ERBB4: variants seen among roughly 807,000 people sequenced by gnomAD.
The protein encoded by ERBB4 is erb-b2 receptor tyrosine kinase 4.
ERBB4 carries 42 observed loss-of-function variants against 158.0 expected under a neutral mutation model. The ratio of observed to expected loss-of-function variants is 0.27; its 90% CI spans 0.21 to 0.34. ERBB4 has a LOEUF of 0.34. ERBB4 is among the 10% of genes least tolerant of loss of function. The pLI, the probability that ERBB4 is intolerant of heterozygous loss-of-function variation, is 1.00. For missense variants in ERBB4, 1,333 were observed against 1,624.1 expected, an observed-to-expected ratio of 0.82 and a Z score of 3.08; for synonymous variants, 583 against 558.7, an observed-to-expected ratio of 1.04 and a Z score of -0.61.
intron 20 of ERBB4, among the ~76,000 whole-genome samples, chr2:211,442,868 C>T (rs947236521): frequency 4.0e-5 from 6 of 151,746 alleles, no homozygotes; most frequent in African/African-American, 1.2e-4. Flanking sequence ...TGTTCAAGTC[C>T]GAAAAATAAA....
chr2:212,516,349 C>T (rs1459408342), intron 1 of ERBB4, among the ~76,000 whole-genome samples: 1 of 151,880 alleles, frequency 6.6e-6, no homozygotes, highest in African/African-American at 2.4e-5. Flanking sequence ...CAAAATAAAT[C>T]CAGTATAAGA....
At chr2:211,653,027 C>T (rs912629779) in intron 16 of ERBB4, among the ~76,000 whole-genome samples, 5 of 151,966 alleles carry the variant, frequency 3.3e-5, no homozygotes, top group African/African-American at 4.8e-5. Flanking sequence ...GGATTAGAAT[C>T]AAATATTCTA....
intron 20 of ERBB4, among the ~76,000 whole-genome samples, chr2:211,439,144 C>T (rs112574991): frequency 0.012 from 1,752 of 152,098 alleles, 33 homozygotes; most frequent in African/African-American, 0.039. Context: ...CTTCCTCACT[C>T]GTGGGATATT....
intron 1 of ERBB4, among the ~76,000 whole-genome samples, chr2:212,329,462 G>A (rs1042911343): frequency 1.3e-5 from 2 of 152,136 alleles, no homozygotes; most frequent in Non-Finnish European, 1.5e-5. Flanking sequence ...GCCTACTGAG[G>A]TTTGATTTAG....
Position 212,003,073 on chromosome 2 carries a change from G to T in ERBB4, c.235-55457C>A, listed in dbSNP as rs1003716761. Among the ~76,000 whole-genome samples, 40 of 140,562 alleles carry T rather than the reference G, an allele frequency of 2.8e-4. 1 individual carries two copies. The highest frequency in any genetic ancestry group is 5.7e-4 in the Non-Finnish European group (37 of 64,714). 92.2% of individuals were successfully genotyped at this position (140,562 alleles called of 152,430 possible). On this transcript the variant is annotated intron_variant, in intron 2 of 27. Transcript: ENST00000342788. The stretch of plus-strand genomic sequence containing the variant: ...TGTCTCAAAAGAGAAAAGAGAGAGA[G>T]AGAGAGAGAGAAAGAGAGACAGAGA...
At chr2:212,338,283 A>G (rs1407043611) in intron 1 of ERBB4, among the ~76,000 whole-genome samples, 1 of 152,002 alleles carries the variant, frequency 6.6e-6, no homozygotes, top group Non-Finnish European at 1.5e-5. Context: ...GGCGGTGAAA[A>G]TGAGTCTGTC....
intron 25 of ERBB4, among the ~76,000 whole-genome samples, chr2:211,406,970 C>T (rs1332522356): frequency 6.6e-6 from 1 of 152,058 alleles, no homozygotes; most frequent in Non-Finnish European, 1.5e-5. Flanking sequence ...GTTCCAGCTA[C>T]TCAGGAGGCT....
At chr2:212,307,742 TAC>T (rs1191511935) in intron 1 of ERBB4, among the ~76,000 whole-genome samples, 3 of 151,216 alleles carry the variant, frequency 2.0e-5, no homozygotes, top group Non-Finnish European at 4.4e-5. Flanking sequence ...GTGTTTAAAA[TAC>T]AGAGATTTCA....
intron 2 of ERBB4, among the ~76,000 whole-genome samples, chr2:212,058,345 G>A (rs1282038203): frequency 6.6e-6 from 1 of 152,138 alleles, no homozygotes; most frequent in Non-Finnish European, 1.5e-5. Flanking sequence ...ATTCACAGCT[G>A]AATTCTACCT....
chr2:212,503,330 CT>C (rs1252012755), intron 1 of ERBB4, among the ~76,000 whole-genome samples: 8 of 151,460 alleles, frequency 5.3e-5, no homozygotes, highest in African/African-American at 2.0e-4. Context: ...TCAGTTAAAA[CT>C]TAAAATATAT....
intron 1 of ERBB4, among the ~76,000 whole-genome samples, chr2:212,458,637 A>G (rs1022684967): frequency 6.6e-6 from 1 of 152,070 alleles, no homozygotes; most frequent in African/African-American, 2.4e-5. Context: ...AAAAAAAAAA[A>G]ATCATTCGAG....
At chr2:211,544,134 T>A (rs1008642546) in intron 20 of ERBB4, among the ~76,000 whole-genome samples, 2 of 152,128 alleles carry the variant, frequency 1.3e-5, no homozygotes, top group South Asian at 2.1e-4. Context: ...CCCCACCTAG[T>A]CGTGTTTTAA....
At chr2:211,457,084 T>C (rs983615734) in intron 20 of ERBB4, among the ~76,000 whole-genome samples, 9 of 152,200 alleles carry the variant, frequency 5.9e-5, no homozygotes, top group Admixed American at 3.3e-4. Flanking sequence ...AAATATTTAA[T>C]ACTGAGCAAC....
intron 1 of ERBB4, among the ~76,000 whole-genome samples, chr2:212,127,642 T>C (rs1231103288): frequency 1.3e-5 from 2 of 152,144 alleles, no homozygotes; most frequent in Non-Finnish European, 1.5e-5. Context: ...GAATCAGCTA[T>C]TGTTAGTGTA....
At chr2:211,530,761 G>C (rs180868106) in intron 20 of ERBB4, among the ~76,000 whole-genome samples, 1 of 152,156 alleles carries the variant, frequency 6.6e-6, no homozygotes, top group African/African-American at 2.4e-5. Context: ...CTGGTGGTGT[G>C]TGCTTGTAGT....
chr2:211,960,457 T>C (rs1402832853), intron 2 of ERBB4, among the ~76,000 whole-genome samples: 1 of 152,144 alleles, frequency 6.6e-6, no homozygotes, highest in Non-Finnish European at 1.5e-5. Context: ...TGAAAATGTA[T>C]GTAAAAGAAA....
intron 1 of ERBB4, among the ~76,000 whole-genome samples, chr2:212,232,657 C>T (rs1418863277): frequency 1.3e-5 from 2 of 152,168 alleles, no homozygotes; most frequent in Non-Finnish European, 2.9e-5. Flanking sequence ...ATCCGCCTGC[C>T]TCGGCTTCCC....
At chr2:211,937,786 A>G (rs1359649413) in intron 3 of ERBB4, among the ~76,000 whole-genome samples, 1 of 152,166 alleles carries the variant, frequency 6.6e-6, no homozygotes, top group African/African-American at 2.4e-5. Flanking sequence ...GGTCCCTCCT[A>G]TAACACATGG....
intron 3 of ERBB4, among the ~76,000 whole-genome samples, chr2:211,922,191 C>T (rs1310155082): frequency 6.6e-6 from 1 of 152,090 alleles, no homozygotes; most frequent in Non-Finnish European, 1.5e-5. Context: ...GATAACTGCC[C>T]TATCACCAAT....
Sources: allele counts gnomAD v4.1 joint callset (sites outside exome capture counted in the v4.1 genomes callset), GRCh38; gene constraint gnomAD v4.1.1; transcripts MANE v1.5; gene names NCBI Gene and HGNC (gene_info 2026-07-23, HGNC 2026-07-21).